The following ZC3H12B variants were observed in gnomAD, a reference collection of about 807,000 sequenced individuals.
The protein encoded by ZC3H12B is probable ribonuclease ZC3H12B.
ZC3H12B carries 7 observed loss-of-function variants against 43.9 expected under a neutral mutation model. The observed-to-expected ratio is 0.16, with a 90% CI of 0.09 to 0.30. The LOEUF (loss-of-function observed/expected upper bound fraction) is 0.30. Ranked by LOEUF, ZC3H12B falls within the 10% of genes least tolerant of loss-of-function variation. The pLI is 1.00. For synonymous variants in ZC3H12B, 222 were observed against 241.7 expected (o/e 0.92, Z 0.76); for missense variants, 475 against 670.2 (o/e 0.71, Z 3.22).
chrX:65,422,178 C>A (rs1297995027), intron 3 of ZC3H12B, among the ~76,000 whole-genome samples: 1 of 111,146 alleles, frequency 9.0e-6, no homozygotes, highest in East Asian at 2.8e-4. Flanking sequence ...GCTCTTTCTC[C>A]CATAGCCAGG....
At chrX:65,350,972 C>T in the ZC3H12B span, among the ~76,000 whole-genome samples, 892 of 111,979 alleles carry the variant, frequency 8.0e-3, 6 homozygotes, top group Non-Finnish European at 0.013. Flanking sequence ...AAAAATACTA[C>T]TTTAAACTTT....
At chrX:65,433,273 A>G (rs1190519514) in intron 3 of ZC3H12B, among the ~76,000 whole-genome samples, 1 of 112,181 alleles carries the variant, frequency 8.9e-6, no homozygotes, top group Non-Finnish European at 1.9e-5. Flanking sequence ...TGATGCGATG[A>G]GAGTCACCAC....
At chrX:65,317,382 AT>A in the ZC3H12B span, among the ~76,000 whole-genome samples, 2 of 110,651 alleles carry the variant, frequency 1.8e-5, no homozygotes, top group Non-Finnish European at 3.8e-5. Context: ...ACTCTTTTAA[AT>A]TTTTTTATTT....
the ZC3H12B span, among the ~76,000 whole-genome samples, chrX:65,309,652 G>A: frequency 8.9e-6 from 1 of 111,952 alleles, no homozygotes; most frequent in Non-Finnish European, 1.9e-5. Context: ...TATGATGCCA[G>A]CATCATTCTG....
At chrX:65,325,201 A>G in the ZC3H12B span, among the ~76,000 whole-genome samples, 1 of 111,249 alleles carries the variant, frequency 9.0e-6, no homozygotes, top group Non-Finnish European at 1.9e-5. Context: ...TAATAGAAAA[A>G]TGCCCACTTT....
chrX:65,219,881 A>G, the ZC3H12B span, among the ~76,000 whole-genome samples: 1 of 109,600 alleles, frequency 9.1e-6, no homozygotes, highest in Non-Finnish European at 1.9e-5. Context: ...TTGCAAAAAG[A>G]TCATCACATA....
At chrX:65,152,022 A>G in the ZC3H12B span, among the ~76,000 whole-genome samples, 1 of 112,001 alleles carries the variant, frequency 8.9e-6, no homozygotes, top group African/African-American at 3.3e-5. Flanking sequence ...CCTTTGACAA[A>G]ATTCAACAGC....
At chrX:65,055,728 TG>T in the ZC3H12B span, among the ~76,000 whole-genome samples, 1 of 111,599 alleles carries the variant, frequency 9.0e-6, no homozygotes, top group Non-Finnish European at 1.9e-5. Context: ...GGTCTTTTTT[TG>T]GTTGGTATGC....
chrX:65,157,574 G>C, the ZC3H12B span, among the ~76,000 whole-genome samples: 72 of 111,120 alleles, frequency 6.5e-4, no homozygotes, highest in African/African-American at 2.3e-3. Flanking sequence ...TTTTACTATA[G>C]CCATTCTCTC....
chrX:65,373,960 CTGTATATAT>C (rs2066294818), intron 2 of ZC3H12B, among the ~76,000 whole-genome samples: 1 of 45,604 alleles, frequency 2.2e-5, no homozygotes, highest in Non-Finnish European at 3.1e-5. Flanking sequence ...TATATATATA[CTGTATATAT>C]AGTATATATA....
At chrX:65,185,893 G>A in the ZC3H12B span, 1 of 111,507 alleles carries the variant, frequency 9.0e-6, no homozygotes, top group Non-Finnish European at 1.9e-5. Flanking sequence ...ATGGTAAGAT[G>A]CCAACAGAGC....
At chrX:65,084,224 C>A in the ZC3H12B span, among the ~76,000 whole-genome samples, 1 of 111,736 alleles carries the variant, frequency 8.9e-6, no homozygotes, top group African/African-American at 3.2e-5. Flanking sequence ...CAGTACTCCA[C>A]AAGCACAGGC....
the ZC3H12B span, among the ~76,000 whole-genome samples, chrX:65,221,565 T>C: frequency 9.0e-6 from 1 of 111,200 alleles, no homozygotes; most frequent in South Asian, 3.7e-4. Flanking sequence ...GTGAACACCT[T>C]TATGCACACA....
chrX:65,494,384 C>G (rs2068247674), intron 1 of ZC3H12B, among the ~76,000 whole-genome samples: 1 of 110,370 alleles, frequency 9.1e-6, no homozygotes, highest in Non-Finnish European at 1.9e-5. Context: ...GTAGCTAGGA[C>G]TACAGGTGTG....
At chrX:65,304,911 A>C in the ZC3H12B span, among the ~76,000 whole-genome samples, 1 of 112,030 alleles carries the variant, frequency 8.9e-6, no homozygotes, top group Non-Finnish European at 1.9e-5. Context: ...GACGTGGAGA[A>C]AATATTTACA....
the ZC3H12B span, among the ~76,000 whole-genome samples, chrX:65,286,080 A>C: frequency 1.8e-5 from 2 of 111,725 alleles, no homozygotes; most frequent in Non-Finnish European, 3.8e-5. Flanking sequence ...CCAAAGAAAA[A>C]TACATTATTC....
intron 3 of ZC3H12B, among the ~76,000 whole-genome samples, chrX:65,439,871 C>A (rs2067278831): frequency 9.1e-6 from 1 of 110,038 alleles, no homozygotes; most frequent in African/African-American, 3.3e-5. Context: ...AACATGGCTG[C>A]AACTGGGGAT....
At chrX:65,039,989 A>G in the ZC3H12B span, among the ~76,000 whole-genome samples, 1 of 111,686 alleles carries the variant, frequency 9.0e-6, no homozygotes, top group Non-Finnish European at 1.9e-5. Context: ...TTCATTTTAG[A>G]ATAAAGAGGA....
the ZC3H12B span, among the ~76,000 whole-genome samples, chrX:65,072,071 A>G: frequency 9.0e-6 from 1 of 111,501 alleles, no homozygotes; most frequent in East Asian, 2.8e-4. Context: ...CATTCTCCTC[A>G]TCTCAGGGAT....
Sources: allele counts gnomAD v4.1 joint callset (sites outside exome capture counted in the v4.1 genomes callset), GRCh38; gene constraint gnomAD v4.1.1; transcripts MANE v1.5; gene names NCBI Gene and HGNC (gene_info 2026-07-23, HGNC 2026-07-21).